RSU1: variants seen among roughly 807,000 people sequenced by gnomAD.
RSU1 encodes Ras suppressor protein 1.
A neutral mutation model predicts 31.1 loss-of-function variants in RSU1; 26 were observed. The ratio of observed to expected loss-of-function variants is 0.84; its 90% confidence interval spans 0.61 to 1.16. RSU1 has a LOEUF of 1.16. RSU1 is among the 50% of genes most tolerant of loss of function. RSU1 has a pLI of 0.00. For missense variants in RSU1, 320 were observed against 339.1 expected (o/e 0.94, Z 0.44); for synonymous variants, 164 against 136.3 (o/e 1.20, Z -1.41).
intron 7 of RSU1, among the ~76,000 whole-genome samples, chr10:16,745,190 C>T (rs1292961591): frequency 1.3e-5 from 2 of 152,078 alleles, no homozygotes; most frequent in African/African-American, 2.4e-5. Flanking sequence ...CCACTGTGCC[C>T]GTATGTGTAT....
chr10:16,642,452 C>A (rs1264159733), intron 8 of RSU1, among the ~76,000 whole-genome samples: 2 of 152,116 alleles, frequency 1.3e-5, no homozygotes, highest in African/African-American at 2.4e-5. Flanking sequence ...AGTCTCTAAC[C>A]TTTCCTATCA....
intron 7 of RSU1, among the ~76,000 whole-genome samples, chr10:16,714,535 C>T (rs1836093632): frequency 6.6e-6 from 1 of 152,022 alleles, no homozygotes; most frequent in South Asian, 2.1e-4. Flanking sequence ...GGTGCAGGTA[C>T]GTGCAGGAGA....
At chr10:16,777,925 T>A (rs1837568054) in intron 3 of RSU1, among the ~76,000 whole-genome samples, 1 of 152,080 alleles carries the variant, frequency 6.6e-6, no homozygotes. Flanking sequence ...GAGTCCTTTG[T>A]GTGCCTGAGT....
Position 16,762,766 on chromosome 10 carries a change from A to G in RSU1, c.281+1624T>C, listed in dbSNP as rs1588519178. Among the ~76,000 whole-genome samples the G allele has an allele frequency of 2.0e-5, 3 of 152,130 alleles. No individual in the cohort carries two copies. The South Asian group carries it at 6.2e-4, about 31-fold the overall frequency. On this transcript the variant is annotated intron_variant, in intron 4 of 8. Coordinates refer to ENST00000345264, the MANE Select transcript of RSU1 (RefSeq NM_012425.4). ...AAATACGGCCAGACGCAGTAATCCC[A>G]GCACTTTGGGAGGCGGAGGCAGACG... is the stretch of plus-strand genomic sequence containing the variant.
chr10:16,638,297 C>CT lies in RSU1; in HGVS notation c.732-44802dup, dbSNP rs577756823. Among the ~76,000 whole-genome samples, 38 of 152,096 alleles carry CT rather than the reference C, an allele frequency of 2.5e-4. 1 individual carries two copies. Among genetic ancestry groups the CT allele is most frequent in the Admixed American group, 1.6e-3 (25 of 15,266 alleles). Reference sequence around the variant, plus strand: ...TTCCAAGCTCATTTGAACGTAATGCCTTTTTTTCGCGCGCATGTGTGTAGT... The same window carrying CT: ...TTCCAAGCTCATTTGAACGTAATGCCTTTTTTTTCGCGCGCATGTGTGTAGT... On this transcript the variant is annotated intron_variant, in intron 8 of 8. Coordinates refer to ENST00000345264, the MANE Select transcript of RSU1 (RefSeq NM_012425.4).
At chr10:16,659,719 G>A (rs193233111) in intron 8 of RSU1, among the ~76,000 whole-genome samples, 1 of 152,250 alleles carries the variant, frequency 6.6e-6, no homozygotes, top group East Asian at 1.9e-4. Context: ...TTCCTCAGGA[G>A]GGTTTTTGTT....
At chr10:16,711,572 G>T (rs180877678) in intron 7 of RSU1, among the ~76,000 whole-genome samples, 23 of 152,208 alleles carry the variant, frequency 1.5e-4, no homozygotes, top group African/African-American at 5.3e-4. Context: ...TGTCTCACAG[G>T]TTTTGGTAAG....
At chr10:16,727,917 G>C (rs997905931) in intron 7 of RSU1, among the ~76,000 whole-genome samples, 1 of 152,098 alleles carries the variant, frequency 6.6e-6, no homozygotes, top group African/African-American at 2.4e-5. Flanking sequence ...ATGAAGATCC[G>C]AAACACCACC....
chr10:16,605,421 A>C (rs932904423), intron 8 of RSU1, among the ~76,000 whole-genome samples: 9 of 152,206 alleles, frequency 5.9e-5, no homozygotes, highest in African/African-American at 2.2e-4. Context: ...GACTTAATGA[A>C]AGTGTGTATA....
rs1422306199 is a variant in RSU1 at position 16,750,402 on chromosome 10, C to T, written c.598+2137G>A. On this transcript the variant is annotated intron_variant, in intron 7 of 8. Coordinates refer to ENST00000345264, the MANE Select transcript of RSU1 (RefSeq NM_012425.4). ...TTTAAAGCCTTCCCCCTCAATTCTACACCTGAATAAAAATATACATGATTT... is the reference window on the plus strand; with the variant it reads ...TTTAAAGCCTTCCCCCTCAATTCTATACCTGAATAAAAATATACATGATTT... 3.9e-5 allele frequency among the ~76,000 whole-genome samples: 6 copies of T among 152,248 alleles called. No individual in the cohort carries two copies. The East Asian group carries it at 9.7e-4, about 25-fold the overall frequency.
intron 4 of RSU1, among the ~76,000 whole-genome samples, chr10:16,762,884 A>G (rs1837236755): frequency 6.6e-6 from 1 of 151,960 alleles, no homozygotes; most frequent in African/African-American, 2.4e-5. Flanking sequence ...ATGGTGGCGC[A>G]CGCCTGTAGT....
chr10:16,746,008 T>C (rs1468973529), intron 7 of RSU1, among the ~76,000 whole-genome samples: 4 of 152,196 alleles, frequency 2.6e-5, no homozygotes, highest in African/African-American at 9.6e-5. Context: ...TTATTTTTCT[T>C]TAGCTTCTTA....
intron 4 of RSU1, 94 bp downstream of exon 4, chr10:16,764,296 T>G: frequency 7.5e-7 from 1 of 1,330,566 alleles, no homozygotes; most frequent in Non-Finnish European, 1.0e-6. Context: ...TCCATTTCTG[T>G]GCAATAATAT....
At chr10:16,691,833 G>A (rs1437289740) in intron 8 of RSU1, among the ~76,000 whole-genome samples, 2 of 148,794 alleles carry the variant, frequency 1.3e-5, no homozygotes, top group African/African-American at 5.0e-5. Context: ...CCACCTCTCA[G>A]GTTCAAGCGA....
intron 3 of RSU1, among the ~76,000 whole-genome samples, chr10:16,771,771 G>A (rs1837428468): frequency 6.6e-6 from 1 of 152,170 alleles, no homozygotes; most frequent in Non-Finnish European, 1.5e-5. Context: ...TTACCCCAAA[G>A]CAGCTATTAA....
intron 4 of RSU1, 136 bp from the exon 5 acceptor site, chr10:16,755,125 A>AT (rs911920870): frequency 1.5e-5 from 7 of 479,858 alleles, no homozygotes; most frequent in African/African-American, 6.1e-5. Flanking sequence ...CTTTATTTTT[A>AT]TTTTTTATTT....
chr10:16,726,556 C>T (rs750364622), intron 7 of RSU1, among the ~76,000 whole-genome samples: 1 of 152,236 alleles, frequency 6.6e-6, no homozygotes, highest in Non-Finnish European at 1.5e-5. Flanking sequence ...TGAGCCACTG[C>T]GCCCGGCCAA....
chr10:16,644,007 T>C (rs371402108), intron 8 of RSU1, among the ~76,000 whole-genome samples: 5 of 151,904 alleles, frequency 3.3e-5, no homozygotes, highest in South Asian at 2.1e-4. Flanking sequence ...ATTTCAAGTA[T>C]AGGGGAGGAT....
intron 8 of RSU1, among the ~76,000 whole-genome samples, chr10:16,671,527 T>C (rs78629299): frequency 0.036 from 5,520 of 152,178 alleles, 342 homozygotes; most frequent in African/African-American, 0.13. Flanking sequence ...GAGTTCACTG[T>C]ATCCTTAATC....
Sources: gnomAD v4.1 joint callset for allele counts (sites outside exome capture counted in the v4.1 genomes callset) on GRCh38, gnomAD v4.1.1 for gene constraint, MANE v1.5 for transcripts, NCBI Gene and HGNC (gene_info 2026-07-23, HGNC 2026-07-21) for gene names.